The following SAE1 variants were observed in gnomAD, a reference collection of about 807,000 sequenced individuals.
SAE1 encodes the protein SUMO1 activating enzyme subunit 1, also known as SUMO-activating enzyme subunit 1.
In SAE1, 11 loss-of-function variants were observed where a neutral mutation model predicts 40.6. The observed-to-expected ratio is 0.27, with a 90% CI of 0.17 to 0.45. SAE1 has a LOEUF of 0.45. Ranked by LOEUF, SAE1 falls within the 20% of genes least tolerant of loss-of-function variation. The probability of loss-of-function intolerance (pLI) is 1.00; values close to 1 mark genes in which losing one functional copy is unlikely to be tolerated. For missense variants in SAE1, 373 were observed against 427.3 expected, an observed-to-expected ratio of 0.87 and a Z score of 1.12; for synonymous variants, 155 against 154.3, an observed-to-expected ratio of 1.00 and a Z score of -0.03.
chr19:47,142,659 CTG>C (rs1291956364), intron 1 of SAE1: 1 of 152,222 alleles, frequency 6.6e-6, no homozygotes, highest in East Asian at 1.9e-4. Context: ...TTCAGCCTCT[CTG>C]TCATTCCTGT....
At chr19:47,182,496 T>TGCGCGTGC (rs1555794401) in intron 6 of SAE1, among the ~76,000 whole-genome samples, 1 of 145,938 alleles carries the variant, frequency 6.9e-6, no homozygotes, top group African/African-American at 2.6e-5. Flanking sequence ...TGTGTGTGTG[T>TGCGCGTGC]GCGCGCACGC....
rs557141370 is a variant in SAE1 at position 47,143,676 on chromosome 19, T to A, written c.210+71T>A. 44 of 1,154,644 alleles carry A rather than the reference T, an allele frequency of 3.8e-5. No homozygotes were observed. The Admixed American group carries it at 7.4e-4, about 19-fold the overall frequency. 71.5% of individuals were successfully genotyped at this position (1,154,644 alleles called of 1,614,324 possible). On this transcript the variant is annotated intron_variant, in intron 2 of 8. Transcript: ENST00000270225. ...CCAGCATGAAGATCTGCAGATTTTG[T>A]GAGTTCCTCCTTGTGCCTTAAGGGC...
chr19:47,163,300 G>GA (rs2058370482), intron 5 of SAE1, among the ~76,000 whole-genome samples: 1 of 151,634 alleles, frequency 6.6e-6, no homozygotes, highest in Non-Finnish European at 1.5e-5. Context: ...AAATATTTGG[G>GA]AAAAAACATT....
At chr19:47,141,907 G>A (rs1433184548) in intron 1 of SAE1, among the ~76,000 whole-genome samples, 1 of 152,118 alleles carries the variant, frequency 6.6e-6, no homozygotes, top group Non-Finnish European at 1.5e-5. Flanking sequence ...ATGATGTAAA[G>A]TCTGTATTTC....
At chr19:47,182,748 A>G (rs1343546568) in intron 6 of SAE1, among the ~76,000 whole-genome samples, 1 of 152,010 alleles carries the variant, frequency 6.6e-6, no homozygotes, top group East Asian at 1.9e-4. Context: ...ACAGTACTGG[A>G]AGGATTAGAT....
At chr19:47,153,716 T>C (rs1436089837) in intron 4 of SAE1, among the ~76,000 whole-genome samples, 1 of 152,176 alleles carries the variant, frequency 6.6e-6, no homozygotes, top group Non-Finnish European at 1.5e-5. Context: ...GGAAGGACAG[T>C]CATGTTCCAG....
chr19:47,157,427 G>A (rs1007676750), intron 5 of SAE1, among the ~76,000 whole-genome samples: 1 of 152,202 alleles, frequency 6.6e-6, no homozygotes, highest in South Asian at 2.1e-4. Context: ...TCTTACAAGT[G>A]TGACACTTGG....
chr19:47,156,465 G>A (rs969522892), intron 5 of SAE1, among the ~76,000 whole-genome samples: 22 of 150,456 alleles, frequency 1.5e-4, no homozygotes, highest in African/African-American at 5.3e-4. Flanking sequence ...GCGACAGAAC[G>A]AGACTCTGTC....
chr19:47,160,754 C>A (rs1009001363), intron 5 of SAE1, among the ~76,000 whole-genome samples: 8 of 152,014 alleles, frequency 5.3e-5, no homozygotes, highest in South Asian at 4.1e-4. Context: ...TGGTCTCAAT[C>A]TCCTGACCTT....
chr19:47,177,563 T>G (rs1044060400), intron 6 of SAE1, among the ~76,000 whole-genome samples: 1 of 151,926 alleles, frequency 6.6e-6, no homozygotes, highest in Admixed American at 6.6e-5. Flanking sequence ...GGCAGGGAGG[T>G]CTTGCTATGT....
intron 6 of SAE1, among the ~76,000 whole-genome samples, chr19:47,190,666 A>G (rs1386578393): frequency 6.6e-6 from 1 of 152,196 alleles, no homozygotes; most frequent in Non-Finnish European, 1.5e-5. Context: ...GCCAAACTGC[A>G]CCAGGAACAG....
intron 3 of SAE1, among the ~76,000 whole-genome samples, chr19:47,150,806 CT>C (rs1333896888): frequency 1.3e-5 from 2 of 152,168 alleles, no homozygotes; most frequent in African/African-American, 2.4e-5. Context: ...TGTGTTTTGT[CT>C]TAAGAAAAGC....
intron 5 of SAE1, among the ~76,000 whole-genome samples, chr19:47,156,229 C>G (rs2058323795): frequency 1.3e-5 from 2 of 151,084 alleles, no homozygotes; most frequent in South Asian, 4.2e-4. Context: ...CATGGTCACA[C>G]CACTGCACCC....
At chr19:47,208,296 GT>G (rs1300402647) in intron 8 of SAE1, among the ~76,000 whole-genome samples, 6 of 152,234 alleles carry the variant, frequency 3.9e-5, no homozygotes, top group African/African-American at 1.4e-4. Context: ...GTCTCACTCT[GT>G]TCCCCAGGCT....
chr19:47,202,142 T>C (rs2058659064), intron 7 of SAE1, among the ~76,000 whole-genome samples: 1 of 152,176 alleles, frequency 6.6e-6, no homozygotes, highest in South Asian at 2.1e-4. Context: ...TTGCTATATT[T>C]AGAAATTTGT....
intron 2 of SAE1, among the ~76,000 whole-genome samples, chr19:47,143,929 G>C (rs971851575): frequency 1.3e-5 from 2 of 152,162 alleles, no homozygotes; most frequent in African/African-American, 4.8e-5. Context: ...AAAATGACCT[G>C]AGTGACTAAC....
intron 6 of SAE1, among the ~76,000 whole-genome samples, chr19:47,196,333 CTTTTTTTT>C (rs61498882): frequency 7.2e-5 from 2 of 27,882 alleles, no homozygotes; most frequent in African/African-American, 2.0e-4. Context: ...CCGCGCCTGG[CTTTTTTTT>C]TTTTTTTTTT....
In SAE1 at chr19:47,171,720, T is replaced by C. The variant is rs143354940; in HGVS notation, c.733+1797T>C. Reference sequence around the variant, plus strand: ...CTCAGGTGATCTGCCCACCTCAGTCTCCCAAAGTGTTGGGATTACAGACGT... The same window carrying C: ...CTCAGGTGATCTGCCCACCTCAGTCCCCCAAAGTGTTGGGATTACAGACGT... On this transcript the variant is annotated intron_variant, in intron 6 of 8. Transcript: ENST00000270225. Among the ~76,000 whole-genome samples, 1,154 of 152,136 alleles carry C rather than the reference T, an allele frequency of 7.6e-3. 10 individuals are homozygous for C. Among genetic ancestry groups the C allele is most frequent in the African/African-American group, 0.026 (1,095 of 41,470 alleles).
At position 47,208,745 on chromosome 19, in the gene SAE1, C is replaced by T. The variant is rs552743286; in HGVS notation, c.949-414C>T. ...CCACCTATTTTAGTTTTCATATAGA[C>T]GGGATCTCACCATGTTGCACAGACT... On this transcript the variant is annotated intron_variant, in intron 8 of 8. Coordinates refer to ENST00000270225, the MANE Select transcript of SAE1 (RefSeq NM_005500.3). Among the ~76,000 whole-genome samples the T allele has an allele frequency of 1.2e-4, 18 of 151,906 alleles. No homozygotes were observed. In the South Asian group the frequency reaches 1.2e-3, roughly 11 times the overall value.
Sources: allele counts gnomAD v4.1 joint callset (sites outside exome capture counted in the v4.1 genomes callset), GRCh38; gene constraint gnomAD v4.1.1; transcripts MANE v1.5; gene names NCBI Gene and HGNC (gene_info 2026-07-23, HGNC 2026-07-21).